The following JTB variants were observed in gnomAD, a reference collection of about 807,000 sequenced individuals.
The protein encoded by JTB is jumping translocation breakpoint.
JTB carries 10 observed loss-of-function variants against 22.1 expected under a neutral mutation model. That is an observed-to-expected ratio of 0.45 (90% CI 0.28 to 0.77). The LOEUF (loss-of-function observed/expected upper bound fraction) is 0.77, where lower values mean the gene tolerates loss of function less well. JTB is among the 30% of genes least tolerant of loss of function. The pLI is 0.13. For missense variants in JTB, 137 were observed against 180.3 expected, an observed-to-expected ratio of 0.76 and a Z score of 1.38; for synonymous variants, 83 against 66.8, an observed-to-expected ratio of 1.24 and a Z score of -1.18.
Position 153,977,545 on chromosome 1 carries a change from T to G in JTB, c.-293A>C, listed in dbSNP as rs1571124033. On this transcript the variant is annotated 5_prime_UTR_variant, in exon 1 of 5. Transcript: ENST00000271843. Reference sequence around the variant, plus strand: ...CTCGCGGCCCTAGCGCCCGCTCACCTCCGCTCCCGCCCCCGACGCAGCCAT... The same window carrying G: ...CTCGCGGCCCTAGCGCCCGCTCACCGCCGCTCCCGCCCCCGACGCAGCCAT... The G allele has an allele frequency of 4.5e-6, 5 of 1,111,118 alleles. No homozygotes were observed. The highest frequency in any genetic ancestry group is 5.5e-6 in the Non-Finnish European group (5 of 911,298). 68.8% of individuals were successfully genotyped at this position (1,111,118 alleles called of 1,614,324 possible).
intron 3 of JTB, 84 bp from the exon 4 acceptor site, chr1:153,975,989 C>G: frequency 1.1e-6 from 1 of 913,862 alleles, no homozygotes. Context: ...GGTGCAGGTG[C>G]CCAACTGCTA....
rs765157547 is a variant in JTB, at chr1:153,976,944, G to A, written c.121+32C>T. 5 of 1,614,030 alleles carry A rather than the reference G, an allele frequency of 3.1e-6. No individual in the cohort carries two copies. The Admixed American group carries it at 8.3e-5, about 27-fold the overall frequency. On this transcript the variant is annotated intron_variant, in intron 2 of 4. Transcript: ENST00000271843. ...GATACTAAAACCAAAAACAAACGAC[G>A]GGACGTGTCGGGTTCCCAGACAATC...
At position 153,977,427 on chromosome 1, in the gene JTB, C is replaced by A; in HGVS notation, c.-175G>T. The A allele has an allele frequency of 7.2e-7, 1 of 1,379,604 alleles. No individual in the cohort carries two copies. Among genetic ancestry groups the A allele is most frequent in the Middle Eastern group, 2.7e-4 (1 of 3,764 alleles). 85.5% of individuals were successfully genotyped at this position (1,379,604 alleles called of 1,614,324 possible). The stretch of plus-strand genomic sequence containing the variant: ...AGGATCTATCAGGACGTCCCCGTTG[C>A]CACAGCGAGAAAAATCGATATGTTT... On this transcript the variant is annotated 5_prime_UTR_variant, in exon 1 of 5. Transcript: ENST00000271843.
chr1:153,974,554 A>G lies in JTB; in HGVS notation c.*125T>C. The G allele has an allele frequency of 1.3e-6, 1 of 760,274 alleles. No homozygotes were observed. Among genetic ancestry groups the G allele is most frequent in the East Asian group, 2.5e-5 (1 of 40,226 alleles). The allele number at this position is 760,274 out of a possible 1,614,324, so 47.1% of individuals were successfully genotyped here. A position where few individuals can be genotyped will look rare whatever the true frequency, so the allele number is the denominator to read the frequency against. On this transcript the variant is annotated 3_prime_UTR_variant, in exon 5 of 5. Coordinates refer to ENST00000271843, the MANE Select transcript of JTB (RefSeq NM_006694.4). ...ATTCTGCTCATTAATGATCTGAAAG[A>G]AGAAGATGGGGAAAAGGGGATTCCA...
At position 153,977,532 on chromosome 1, in the gene JTB, G is replaced by C. The variant is rs1283900521; in HGVS notation, c.-280C>G. On this transcript the variant is annotated 5_prime_UTR_variant, in exon 1 of 5. Coordinates refer to ENST00000271843, the MANE Select transcript of JTB (RefSeq NM_006694.4). The stretch of plus-strand genomic sequence containing the variant: ...GGGCCGGCGGGGGCTCGCGGCCCTA[G>C]CGCCCGCTCACCTCCGCTCCCGCCC... 8.7e-7 allele frequency: 1 copy of C among 1,155,056 alleles called. No individual in the cohort carries two copies. The allele number at this position is 1,155,056 out of a possible 1,614,324, so 71.6% of individuals were successfully genotyped here. A position where few individuals can be genotyped will look rare whatever the true frequency, so the allele number is the denominator to read the frequency against.
rs554409332 is a variant in JTB, at chr1:153,974,760, G to T, written c.360C>A (p.Phe120Leu). 1 of 1,613,752 alleles carries T rather than the reference G, an allele frequency of 6.2e-7. No individual in the cohort carries two copies. The highest frequency in any genetic ancestry group is 1.1e-5 in the South Asian group (1 of 91,056). ...GCTGACGAATGATGACAAGACAAGCGAAGATCAGGGCCACACACACGACAG... is the reference window on the plus strand; with the variant it reads ...GCTGACGAATGATGACAAGACAAGCTAAGATCAGGGCCACACACACGACAG... ...EGAVVCVALIFACLVIIRQRQ... is the reference protein window; with the variant it reads ...EGAVVCVALILACLVIIRQRQ... Residue 120 changes from phenylalanine (F) to leucine (L), a missense_variant, in exon 5 of 5, where the codon TTC becomes TTA. Transcript: ENST00000271843.
rs1372497776 is a variant in JTB, at chr1:153,974,924, A to C, written c.285-89T>G. On this transcript the variant is annotated intron_variant, in intron 4 of 4. Transcript: ENST00000271843. ...TTCTACTTCAGCCTAGCCAGGATAC[A>C]CTCAAGAGGAAATCAGAGCCAGGCT... 1.4e-5 allele frequency: 18 copies of C among 1,326,118 alleles called. No individual in the cohort carries two copies. The Admixed American group carries it at 3.9e-4, about 29-fold the overall frequency. The allele number at this position is 1,326,118 out of a possible 1,614,324, so 82.1% of individuals were successfully genotyped here. A position where few individuals can be genotyped will look rare whatever the true frequency, so the allele number is the denominator to read the frequency against.
Position 153,977,635 on chromosome 1 carries a change from C to A in JTB, c.-383G>T. 7 of 1,006,040 alleles carry A rather than the reference C, an allele frequency of 7.0e-6. No individual in the cohort carries two copies. The highest frequency in any genetic ancestry group is 8.3e-6 in the Non-Finnish European group (7 of 842,964). 62.3% of individuals were successfully genotyped at this position (1,006,040 alleles called of 1,614,324 possible). A position where few individuals can be genotyped will look rare whatever the true frequency, so the allele number is the denominator to read the frequency against. ...GGGGCCCGGTGTTCCCGGGGGCGTT[C>A]GGTCGTCGCCCGCTGGGGCTTATAG... On this transcript the variant is annotated 5_prime_UTR_variant, in exon 1 of 5. Transcript: ENST00000271843.
intron 3 of JTB, among the ~76,000 whole-genome samples, chr1:153,976,229 C>A (rs11264763): frequency 6.6e-6 from 1 of 152,028 alleles, no homozygotes; most frequent in Non-Finnish European, 1.5e-5. Context: ...TTTGGGAGGC[C>A]GAGGCGGGCA....
Position 153,977,406 on chromosome 1 carries a change from T to C in JTB, c.-154A>G, listed in dbSNP as rs893555035. On this transcript the variant is annotated 5_prime_UTR_variant, in exon 1 of 5. Transcript: ENST00000271843. The stretch of plus-strand genomic sequence containing the variant: ...CGGAGTTGCCTATTGGAGCAGAGGA[T>C]CTATCAGGACGTCCCCGTTGCCACA... The C allele has an allele frequency of 2.7e-5, 39 of 1,422,156 alleles. No homozygotes were observed. In the African/African-American group the frequency reaches 5.5e-4, roughly 20 times the overall value. The allele number at this position is 1,422,156 out of a possible 1,614,324, so 88.1% of individuals were successfully genotyped here.
Position 153,977,570 on chromosome 1 carries a change from T to C in JTB, c.-318A>G. 1 of 1,074,914 alleles carries C rather than the reference T, an allele frequency of 9.3e-7. No homozygotes were observed. Among genetic ancestry groups the C allele is most frequent in the Non-Finnish European group, 1.1e-6 (1 of 885,252 alleles). 66.6% of individuals were successfully genotyped at this position (1,074,914 alleles called of 1,614,324 possible). A position where few individuals can be genotyped will look rare whatever the true frequency, so the allele number is the denominator to read the frequency against. On this transcript the variant is annotated 5_prime_UTR_variant, in exon 1 of 5. It removes an upstream start codon present in the reference 5' UTR. Coordinates refer to ENST00000271843, the MANE Select transcript of JTB (RefSeq NM_006694.4). ...TCCGCTCCCGCCCCCGACGCAGCCA[T>C]CTAGCCCCGTGGAGGATCCTCGGGC...
chr1:153,976,221 T>C (rs543454644), intron 3 of JTB, among the ~76,000 whole-genome samples: 24 of 152,314 alleles, frequency 1.6e-4, no homozygotes, highest in African/African-American at 5.8e-4. Context: ...CCCAGCACTT[T>C]GGGAGGCCGA....
At chr1:153,975,738 AC>A (rs1557888852) in intron 4 of JTB, 87 bp downstream of exon 4, 3 of 1,016,052 alleles carry the variant, frequency 3.0e-6, no homozygotes, top group Non-Finnish European at 4.6e-6. Context: ...ATTCCATGCT[AC>A]CCCCAGACCA....
At chr1:153,976,952 T>G in intron 2 of JTB, 24 bp downstream of exon 2, 1 of 1,614,150 alleles carries the variant, frequency 6.2e-7, no homozygotes, top group Non-Finnish European at 8.5e-7. Flanking sequence ...ACGGGACGTG[T>G]CGGGTTCCCA....
Position 153,977,160 on chromosome 1 carries a change from T to G in JTB, c.83+10A>C, listed in dbSNP as rs1263190340. 1.2e-6 allele frequency: 2 copies of G among 1,614,010 alleles called. No homozygotes were observed. The highest frequency in any genetic ancestry group is 1.6e-4 in the Middle Eastern group (1 of 6,062). ...TGACCTCCTTTTCCCTCCCCTTACCTCCTCCTTACCAGAGCTTTAAGGTGA... is the reference window on the plus strand; with the variant it reads ...TGACCTCCTTTTCCCTCCCCTTACCGCCTCCTTACCAGAGCTTTAAGGTGA... On this transcript the variant is annotated intron_variant, in intron 1 of 4. Transcript: ENST00000271843.
At position 153,974,464 on chromosome 1, in the gene JTB, CCT is replaced by C. The variant is rs1206859941; in HGVS notation, c.*213_*214del. ...GGGCCTTAAGTAACCACCTCCTTTC[CCT>C]CTCTGCCCCCATGACTTCCTGCTCC... On this transcript the variant is annotated 3_prime_UTR_variant, in exon 5 of 5. Coordinates refer to ENST00000271843, the MANE Select transcript of JTB (RefSeq NM_006694.4). 4 of 443,688 alleles carry C rather than the reference CCT, an allele frequency of 9.0e-6. No homozygotes were observed. Among genetic ancestry groups the C allele is most frequent in the Non-Finnish European group, 1.6e-5 (4 of 249,928 alleles). 27.5% of individuals were successfully genotyped at this position (443,688 alleles called of 1,614,324 possible).
chr1:153,976,862 T>G lies in JTB; in HGVS notation c.122-87A>C, dbSNP rs1162919700. On this transcript the variant is annotated intron_variant, in intron 2 of 4. Coordinates refer to ENST00000271843, the MANE Select transcript of JTB (RefSeq NM_006694.4). The stretch of plus-strand genomic sequence containing the variant: ...CCATCCAACTTCCCGGCACAGCGCT[T>G]GCCCTCATTCCATGTGGTGCCGGCC... The G allele has an allele frequency of 2.5e-6, 4 of 1,590,916 alleles. No homozygotes were observed. In the African/African-American group the frequency reaches 4.0e-5, roughly 16 times the overall value.
chr1:153,975,637 C>A (rs1648767684), intron 4 of JTB, among the ~76,000 whole-genome samples, 189 bp downstream of exon 4: 1 of 152,102 alleles, frequency 6.6e-6, no homozygotes, highest in South Asian at 2.1e-4. Flanking sequence ...CCAGGCTGAT[C>A]TCGAACTCCT....
In JTB at chr1:153,974,796, C is replaced by T. The variant is rs1485157692; in HGVS notation, c.324G>A (p.Lys108=). The part of the protein sequence containing the change: ...SALMEQRLFW[K]FEGAVVCVAL... The stretch of plus-strand genomic sequence containing the variant: ...CCACACACACGACAGCCCCTTCGAA[C>T]TTCCAAAATAAGCGTTGTTCCATCA... Residue 108 remains lysine, a synonymous_variant, in exon 5 of 5, where the codon AAG becomes AAA. Transcript: ENST00000271843. 1 of 1,611,760 alleles carries T rather than the reference C, an allele frequency of 6.2e-7. No individual in the cohort carries two copies. Among genetic ancestry groups the T allele is most frequent in the East Asian group, 2.2e-5 (1 of 44,814 alleles).
Sources: allele counts gnomAD v4.1 joint callset (sites outside exome capture counted in the v4.1 genomes callset), GRCh38; gene constraint gnomAD v4.1.1; transcripts MANE v1.5; gene names NCBI Gene and HGNC (gene_info 2026-07-23, HGNC 2026-07-21).